The following LRFN5 variants were observed in gnomAD, a reference collection of about 807,000 sequenced individuals.
LRFN5 encodes the protein leucine rich repeat and fibronectin type III domain containing 5.
LRFN5 carries 24 observed loss-of-function variants against 45.6 expected under a neutral mutation model. The ratio of observed to expected loss-of-function variants is 0.53; its 90% CI spans 0.38 to 0.74. The LOEUF (loss-of-function observed/expected upper bound fraction) is 0.74, where lower values mean the gene tolerates loss of function less well. Ranked by LOEUF, LRFN5 falls within the 30% of genes least tolerant of loss-of-function variation. LRFN5 has a pLI of 0.00. For missense variants in LRFN5, 776 were observed against 861.5 expected, an observed-to-expected ratio of 0.90 and a Z score of 1.24; for synonymous variants, 340 against 313.8, an observed-to-expected ratio of 1.08 and a Z score of -0.88.
chr14:41,791,041 G>T (rs1594712208), intron 2 of LRFN5, among the ~76,000 whole-genome samples: 1 of 151,746 alleles, frequency 6.6e-6, no homozygotes, highest in South Asian at 2.1e-4. Context: ...GTATGACAGA[G>T]TTTTACTCTA....
chr14:41,816,015 A>G (rs2139001913), intron 2 of LRFN5, among the ~76,000 whole-genome samples: 1 of 152,142 alleles, frequency 6.6e-6, no homozygotes. Flanking sequence ...ATATACTTTT[A>G]CAACTACTCC....
intron 1 of LRFN5, among the ~76,000 whole-genome samples, chr14:41,732,527 T>C (rs8019395): frequency 0.045 from 6,824 of 152,018 alleles, 342 homozygotes; most frequent in African/African-American, 0.12. Flanking sequence ...GACATGAAAA[T>C]ACCTTAAGTT....
chr14:41,773,020 CAG>C (rs1200242905), intron 2 of LRFN5, among the ~76,000 whole-genome samples: 3 of 152,102 alleles, frequency 2.0e-5, no homozygotes, highest in African/African-American at 7.2e-5. Context: ...CACATGCAGA[CAG>C]AGAGAGCTTA....
chr14:41,888,428 C>G (rs571455642), intron 3 of LRFN5, among the ~76,000 whole-genome samples: 1 of 152,056 alleles, frequency 6.6e-6, no homozygotes, highest in African/African-American at 2.4e-5. Flanking sequence ...TTAGAACCTT[C>G]GTCATACTAT....
At chr14:41,755,516 G>A (rs1295773549) in intron 1 of LRFN5, among the ~76,000 whole-genome samples, 7 of 152,108 alleles carry the variant, frequency 4.6e-5, no homozygotes, top group Non-Finnish European at 7.3e-5. Context: ...TTACCATTAT[G>A]TAATGGCCTT....
At chr14:41,890,855 C>T (rs556050350) in intron 3 of LRFN5, among the ~76,000 whole-genome samples, 4 of 152,188 alleles carry the variant, frequency 2.6e-5, no homozygotes, top group Admixed American at 2.0e-4. Context: ...CAACATTTTT[C>T]CTTCCTTCAA....
At chr14:41,674,351 A>G (rs377485217) in intron 1 of LRFN5, among the ~76,000 whole-genome samples, 30,468 of 98,366 alleles carry the variant, frequency 0.31, 4,765 homozygotes, top group African/African-American at 0.43. Flanking sequence ...CCTCCCTCCC[A>G]GATGGGGCGG....
chr14:41,899,178 C>G (rs1411400416), intron 5 of LRFN5, among the ~76,000 whole-genome samples: 1 of 152,088 alleles, frequency 6.6e-6, no homozygotes, highest in Non-Finnish European at 1.5e-5. Context: ...CTAAACATCT[C>G]TGCTTTGTCC....
chr14:41,829,762 A>G lies in LRFN5; in HGVS notation c.-20-56844A>G, dbSNP rs138783482. On this transcript the variant is annotated intron_variant, in intron 2 of 5. Coordinates refer to ENST00000298119, the MANE Select transcript of LRFN5 (RefSeq NM_152447.5). Reference sequence around the variant, plus strand: ...TTTTTGCTAAGTCAATATTTTTTGAACTTTCTGATTCCACACCTTTTTTTA... The same window carrying G: ...TTTTTGCTAAGTCAATATTTTTTGAGCTTTCTGATTCCACACCTTTTTTTA... Among the ~76,000 whole-genome samples, 472 of 151,568 alleles carry G rather than the reference A, an allele frequency of 3.1e-3. 5 individuals are homozygous for G. Among genetic ancestry groups the G allele is most frequent in the African/African-American group, 0.011 (454 of 41,474 alleles).
At position 41,612,391 on chromosome 14, in the gene LRFN5, A is replaced by AT. The variant is rs1242826692; in HGVS notation, c.-197+3834dup. On this transcript the variant is annotated intron_variant, in intron 1 of 5. Coordinates refer to ENST00000298119, the MANE Select transcript of LRFN5 (RefSeq NM_152447.5). ...GCTAACCTATTAGCTTATTTCAGTG[A>AT]TTTTTATTTTCTGTTTACTTAAAAA... Among the ~76,000 whole-genome samples the AT allele has an allele frequency of 3.9e-5, 6 of 152,212 alleles. No homozygotes were observed. In the South Asian group the frequency reaches 1.2e-3, roughly 32 times the overall value.
intron 1 of LRFN5, among the ~76,000 whole-genome samples, chr14:41,666,514 A>G (rs1322663135): frequency 2.6e-5 from 4 of 152,144 alleles, no homozygotes; most frequent in Admixed American, 2.0e-4. Flanking sequence ...GATTCATACT[A>G]TAGATTTTGC....
intron 1 of LRFN5, among the ~76,000 whole-genome samples, chr14:41,734,606 T>G (rs1441529544): frequency 1.3e-5 from 2 of 151,414 alleles, no homozygotes; most frequent in Admixed American, 1.3e-4. Context: ...GTCTTTTTTT[T>G]TAATCCACTC....
intron 2 of LRFN5, among the ~76,000 whole-genome samples, chr14:41,814,659 G>T (rs1046813132): frequency 6.6e-6 from 1 of 152,090 alleles, no homozygotes; most frequent in Admixed American, 6.6e-5. Flanking sequence ...TTGACAATTC[G>T]TGCTTCTAAT....
chr14:41,675,467 G>T (rs1881583223), intron 1 of LRFN5, among the ~76,000 whole-genome samples: 1 of 152,218 alleles, frequency 6.6e-6, no homozygotes, highest in Non-Finnish European at 1.5e-5. Flanking sequence ...GTCAGGCGTG[G>T]CGGCGCGCGC....
chr14:41,708,342 A>G (rs1445193763), intron 1 of LRFN5, among the ~76,000 whole-genome samples: 3 of 152,132 alleles, frequency 2.0e-5, no homozygotes, highest in Middle Eastern at 3.4e-3. Flanking sequence ...CTCATTCAAC[A>G]ACTTAAAATA....
chr14:41,841,967 A>C (rs1888875883), intron 2 of LRFN5, among the ~76,000 whole-genome samples: 1 of 151,938 alleles, frequency 6.6e-6, no homozygotes, highest in African/African-American at 2.4e-5. Context: ...CTATTGAGGT[A>C]ATTTATGTCT....
chr14:41,811,769 G>A lies in LRFN5; in HGVS notation c.-21+44740G>A, dbSNP rs145823727. Among the ~76,000 whole-genome samples the A allele has an allele frequency of 3.7e-4, 56 of 152,148 alleles. No homozygotes were observed. The East Asian group carries it at 0.01, about 27-fold the overall frequency. The stretch of plus-strand genomic sequence containing the variant: ...CTTAGGACTTGGGTCAGGTGGGAAG[G>A]CTTGGGAGAAGTAGGGAGTGAGTGC... On this transcript the variant is annotated intron_variant, in intron 2 of 5. Transcript: ENST00000298119.
chr14:41,652,512 A>C (rs1880177074), intron 1 of LRFN5, among the ~76,000 whole-genome samples: 1 of 152,198 alleles, frequency 6.6e-6, no homozygotes, highest in Non-Finnish European at 1.5e-5. Flanking sequence ...CAAGCCAATC[A>C]ATAAAATAAG....
At chr14:41,808,272 G>A (rs1012403625) in intron 2 of LRFN5, among the ~76,000 whole-genome samples, 2 of 131,254 alleles carry the variant, frequency 1.5e-5, no homozygotes, top group African/African-American at 5.8e-5. Context: ...GGACCTATGA[G>A]ATTACTTCTG....
Sources: gnomAD v4.1 joint callset for allele counts (sites outside exome capture counted in the v4.1 genomes callset) on GRCh38, gnomAD v4.1.1 for gene constraint, MANE v1.5 for transcripts, NCBI Gene and HGNC (gene_info 2026-07-23, HGNC 2026-07-21) for gene names.